Variants in CEACAM8 observed in about 807,000 individuals in gnomAD.
CEACAM8 encodes cell adhesion molecule CEACAM8.
Under a neutral mutation model 33.4 loss-of-function variants are expected in CEACAM8, and 31 were observed. That is an observed-to-expected ratio of 0.93 (90% confidence interval 0.70 to 1.25). The LOEUF (loss-of-function observed/expected upper bound fraction) is 1.25, where lower values mean the gene tolerates loss of function less well. CEACAM8 is among the 50% of genes most tolerant of loss of function. The pLI is 0.00. For synonymous variants in CEACAM8, 138 were observed against 164.5 expected, an observed-to-expected ratio of 0.84 and a Z score of 1.23; for missense variants, 388 against 434.6, an observed-to-expected ratio of 0.89 and a Z score of 0.95.
chr19:42,594,764 C>A lies in CEACAM8; in HGVS notation c.64+1G>T, dbSNP rs1433813134. ...CCTTTCCCAGGAAGTCCTCTCCTCA[C>A]CTGTGAGCAGGAGCCCCTGCCAGGG... On this transcript the variant is annotated splice_donor_variant, in intron 1 of 5. Transcript: ENST00000244336. LOFTEE classifies it high-confidence loss of function. 15 of 1,609,354 alleles carry A rather than the reference C, an allele frequency of 9.3e-6. No homozygotes were observed. Among genetic ancestry groups the A allele is most frequent in the Non-Finnish European group, 1.2e-5 (14 of 1,176,992 alleles).
intron 4 of CEACAM8, among the ~76,000 whole-genome samples, chr19:42,584,383 A>G (rs1478668475): frequency 6.6e-6 from 1 of 152,216 alleles, no homozygotes; most frequent in Non-Finnish European, 1.5e-5. Flanking sequence ...CATTTGATTT[A>G]TACAATAACT....
chr19:42,594,864 T>G lies in CEACAM8; in HGVS notation c.-36A>C. 6.3e-7 allele frequency: 1 copy of G among 1,593,218 alleles called. No homozygotes were observed. Among genetic ancestry groups the G allele is most frequent in the Non-Finnish European group, 8.6e-7 (1 of 1,168,228 alleles). On this transcript the variant is annotated 5_prime_UTR_variant, in exon 1 of 6. Coordinates refer to ENST00000244336, the MANE Select transcript of CEACAM8 (RefSeq NM_001816.4). Reference sequence around the variant, plus strand: ...GCCTGCGTGTTCTCCTCTGTGGAGATGAGCCTGGGATCCAGAAACTTTCTG... The same window carrying G: ...GCCTGCGTGTTCTCCTCTGTGGAGAGGAGCCTGGGATCCAGAAACTTTCTG...
At position 42,593,714 on chromosome 19, in the gene CEACAM8, AT is replaced by A; in HGVS notation, c.250del (p.Ile84TyrfsTer25). On this transcript the variant is annotated frameshift_variant, in exon 2 of 6. Transcript: ENST00000244336. LOFTEE classifies it high-confidence loss of function. ...CCCTGGGGTAATCTGTTGATTTGAT[AT>A]TACATATCCTATAATTCGACGGTTG... ...DANRRIIGYV[I>X]SNQQITPGPA... The A allele has an allele frequency of 6.2e-7, 1 of 1,614,048 alleles. No homozygotes were observed. Among genetic ancestry groups the A allele is most frequent in the Non-Finnish European group, 8.5e-7 (1 of 1,179,980 alleles).
intron 2 of CEACAM8, among the ~76,000 whole-genome samples, chr19:42,591,531 G>A (rs958129330): frequency 6.6e-6 from 1 of 152,208 alleles, no homozygotes; most frequent in African/African-American, 2.4e-5. Context: ...TGCAGAGTTA[G>A]GCAAAATTGG....
chr19:42,585,105 G>C lies in CEACAM8; in HGVS notation c.959-1768C>G, dbSNP rs76286786. The stretch of plus-strand genomic sequence containing the variant: ...AGGCCTGGAGTTTGAAACCAGCTGG[G>C]GCAACATAGGGAGACCCTGTCTCTA... On this transcript the variant is annotated intron_variant, in intron 4 of 5. Transcript: ENST00000244336. 6.1e-3 allele frequency among the ~76,000 whole-genome samples: 927 copies of C among 152,058 alleles called. 11 individuals are homozygous for C. Among genetic ancestry groups the C allele is most frequent in the African/African-American group, 0.021 (871 of 41,494 alleles).
chr19:42,591,910 C>T (rs2042447035), intron 2 of CEACAM8, among the ~76,000 whole-genome samples: 1 of 152,166 alleles, frequency 6.6e-6, no homozygotes, highest in Non-Finnish European at 1.5e-5. Context: ...AAAGCAAAGT[C>T]CTCTCTTTTG....
intron 2 of CEACAM8, among the ~76,000 whole-genome samples, chr19:42,591,977 G>A (rs900115950): frequency 1.3e-5 from 2 of 152,182 alleles, no homozygotes; most frequent in African/African-American, 4.8e-5. Context: ...GTTCAGTGAG[G>A]GGGGTTAGGA....
intron 3 of CEACAM8, 100 bp downstream of exon 3, chr19:42,589,357 A>T (rs2042392008): frequency 6.4e-7 from 1 of 1,561,840 alleles, no homozygotes. Flanking sequence ...GTGGGTGGGG[A>T]ATCTGCATTT....
chr19:42,587,704 C>T (rs985943245), intron 4 of CEACAM8, among the ~76,000 whole-genome samples: 2 of 152,086 alleles, frequency 1.3e-5, no homozygotes, highest in African/African-American at 4.8e-5. Flanking sequence ...AAATTGCACG[C>T]ATAGAAATAG....
Position 42,593,847 on chromosome 19 carries a change from C to T in CEACAM8, c.118G>A (p.Ala40Thr), listed in dbSNP as rs559061389. 1.2e-6 allele frequency: 2 copies of T among 1,612,998 alleles called. No individual in the cohort carries two copies. The highest frequency in any genetic ancestry group is 3.3e-5 in the Admixed American group (2 of 59,948). ...PPTTAQLTIE[A>T]VPSNAAEGKE... ...CCCTCTGCAGCATTGGATGGCACAGCTTCAATAGTGAGCTGAGCAGTGGTG... is the reference window on the plus strand; with the variant it reads ...CCCTCTGCAGCATTGGATGGCACAGTTTCAATAGTGAGCTGAGCAGTGGTG... The change falls in exon 2 of 6, where the codon GCT becomes ACT. Residue 40 changes from alanine to threonine, a missense_variant. By Grantham distance (58) the Ala-to-Thr change is moderately conservative (BLOSUM62 0). Coordinates refer to ENST00000244336, the MANE Select transcript of CEACAM8 (RefSeq NM_001816.4).
intron 2 of CEACAM8, among the ~76,000 whole-genome samples, chr19:42,591,024 T>C (rs1386775003): frequency 6.6e-6 from 1 of 152,252 alleles, no homozygotes; most frequent in African/African-American, 2.4e-5. Flanking sequence ...AGTGAGCATT[T>C]CTTTTGAGAA....
In CEACAM8 at chr19:42,587,042, C is replaced by T. The variant is rs186751337; in HGVS notation, c.958+1742G>A. On this transcript the variant is annotated intron_variant, in intron 4 of 5. Coordinates refer to ENST00000244336, the MANE Select transcript of CEACAM8 (RefSeq NM_001816.4). ...TCAGAACCCCAATGATAGAATACCT[C>T]AAACACATTAGGATGGCTTTGATTA... 3.0e-4 allele frequency among the ~76,000 whole-genome samples: 45 copies of T among 152,170 alleles called. No individual in the cohort carries two copies. In the East Asian group the frequency reaches 5.6e-3, roughly 19 times the overall value.
chr19:42,583,185 C>G, intron 5 of CEACAM8, 21 bp downstream of exon 5: 1 of 1,094,040 alleles, frequency 9.1e-7, no homozygotes, highest in Non-Finnish European at 1.4e-6. Context: ...GGAAACAGGA[C>G]AAGAGGAAAG....
chr19:42,593,545 T>C lies in CEACAM8; in HGVS notation c.420A>G (p.Val140=). 6.4e-7 allele frequency: 1 copy of C among 1,558,718 alleles called. No individual in the cohort carries two copies. The highest frequency in any genetic ancestry group is 1.2e-5 in the South Asian group (1 of 81,104). The change falls in exon 2 of 6, where the codon GTA becomes GTG. Residue 140 remains valine (V), a synonymous_variant. Transcript: ENST00000244336. ...MSEEVTGQFS[V]HPETPKPSIS... ...AGGTCATGGGGAATCACTCACGATG[T>C]ACGCTGAACTGGCCAGTTACTTCTT...
At chr19:42,587,498 G>T (rs1013075063) in intron 4 of CEACAM8, among the ~76,000 whole-genome samples, 2 of 152,166 alleles carry the variant, frequency 1.3e-5, no homozygotes, top group African/African-American at 2.4e-5. Flanking sequence ...GACACAAAAG[G>T]CCACCTATTA....
intron 3 of CEACAM8, 112 bp downstream of exon 3, chr19:42,589,345 G>A (rs2147865616): frequency 6.6e-7 from 1 of 1,513,504 alleles, no homozygotes; most frequent in South Asian, 1.2e-5. Context: ...GGGTTTCTAG[G>A]GGTGGGTGGG....
At position 42,588,939 on chromosome 19, in the gene CEACAM8, T is replaced by A; in HGVS notation, c.803A>T (p.Gln268Leu). ...SCHAASNPPS[Q>L]YSWSVNGTFQ... is the part of the protein sequence containing the mutation. ...TGTGCCATTGACAGACCAAGAATACTGTGAGGGTGGATTAGAGGCCGCATG... is the reference window on the plus strand; with the variant it reads ...TGTGCCATTGACAGACCAAGAATACAGTGAGGGTGGATTAGAGGCCGCATG... Residue 268 changes from glutamine (Q) to leucine (L), a missense_variant, in exon 4 of 6, where the codon CAG becomes CTG. Transcript: ENST00000244336. 6.2e-7 allele frequency: 1 copy of A among 1,614,188 alleles called. No homozygotes were observed. Among genetic ancestry groups the A allele is most frequent in the Non-Finnish European group, 8.5e-7 (1 of 1,180,022 alleles).
chr19:42,594,526 G>A (rs776739387), intron 1 of CEACAM8, among the ~76,000 whole-genome samples: 4 of 152,208 alleles, frequency 2.6e-5, no homozygotes, highest in Non-Finnish European at 4.4e-5. Flanking sequence ...TTTTCAAAAT[G>A]TAGTGGCCAG....
chr19:42,587,412 T>TTC, intron 4 of CEACAM8, among the ~76,000 whole-genome samples: 1 of 152,208 alleles, frequency 6.6e-6, no homozygotes. Flanking sequence ...TCTTCAATCT[T>TTC]AACAAGGAAG....
Sources: gnomAD v4.1 joint callset for allele counts (sites outside exome capture counted in the v4.1 genomes callset) on GRCh38, gnomAD v4.1.1 for gene constraint, MANE v1.5 for transcripts, NCBI Gene and HGNC (gene_info 2026-07-23, HGNC 2026-07-21) for gene names.